The following MBD5 variants were observed in gnomAD, a reference collection of about 807,000 sequenced individuals.
The protein encoded by MBD5 is methyl-CpG-binding domain protein 5.
Under a neutral mutation model 117.3 loss-of-function variants are expected in MBD5, and 13 were observed. The ratio of observed to expected loss-of-function variants is 0.11; its 90% CI spans 0.07 to 0.18. The LOEUF is 0.18. MBD5 is among the 10% of genes least tolerant of loss of function. The pLI is 1.00. For synonymous variants in MBD5, 727 were observed against 766.4 expected, an observed-to-expected ratio of 0.95 and a Z score of 0.85; for missense variants, 1,879 against 2,093.8, an observed-to-expected ratio of 0.90 and a Z score of 2.00.
rs79451405 is a variant in MBD5, at chr2:148,387,060, A to G, written c.-557+44724A>G. 6.6e-5 allele frequency among the ~76,000 whole-genome samples: 10 copies of G among 152,328 alleles called. No homozygotes were observed. The East Asian group carries it at 1.9e-3, about 29-fold the overall frequency. Reference sequence around the variant, plus strand: ...AATATCTCTAAACTCAGCAATGTACATCTATATCAAACCCTTAATAGCCAA... The same window carrying G: ...AATATCTCTAAACTCAGCAATGTACGTCTATATCAAACCCTTAATAGCCAA... On this transcript the variant is annotated intron_variant, in intron 4 of 13. Transcript: ENST00000642680.
chr2:148,030,872 G>C (rs1156370974), intron 1 of MBD5, among the ~76,000 whole-genome samples: 1 of 152,156 alleles, frequency 6.6e-6, no homozygotes, highest in African/African-American at 2.4e-5. Flanking sequence ...TAGCTTGATA[G>C]AGAATAAAGT....
intron 4 of MBD5, among the ~76,000 whole-genome samples, chr2:148,392,233 T>A (rs1199568611): frequency 2.6e-5 from 4 of 152,212 alleles, no homozygotes; most frequent in Non-Finnish European, 5.9e-5. Context: ...CGACATAGCA[T>A]GAATCCAAAT....
chr2:148,469,188 T>C lies in MBD5; in HGVS notation c.1245T>C (p.Gly415=), dbSNP rs1483172185. The change falls in exon 8 of 14, where the codon GGT becomes GGC. Residue 415 remains glycine (G), a synonymous_variant. Transcript: ENST00000642680. The part of the protein sequence containing the change: ...SNLPLPTVKP[G]HMNHGSHVQR... ...TCCCATTGCCAACTGTAAAACCTGG[T>C]CACATGAATCATGGGAGTCATGTAC... The C allele has an allele frequency of 3.7e-6, 6 of 1,613,928 alleles. No homozygotes were observed. The highest frequency in any genetic ancestry group is 3.4e-6 in the Non-Finnish European group (4 of 1,179,974).
At chr2:148,373,561 T>C (rs1703913311) in intron 4 of MBD5, among the ~76,000 whole-genome samples, 1 of 152,174 alleles carries the variant, frequency 6.6e-6, no homozygotes, top group Admixed American at 6.5e-5. Context: ...AGCATGCTAT[T>C]CTAGAGCCTT....
intron 4 of MBD5, chr2:148,347,150 A>G (rs1703142455): frequency 6.6e-6 from 1 of 152,032 alleles, no homozygotes; most frequent in South Asian, 2.1e-4. Context: ...ACTGACTTCC[A>G]CTACAATATA....
At chr2:148,428,233 C>T (rs887611925) in intron 4 of MBD5, among the ~76,000 whole-genome samples, 40 of 152,254 alleles carry the variant, frequency 2.6e-4, no homozygotes, top group Non-Finnish European at 5.1e-4. Flanking sequence ...CATGAGTGAA[C>T]TCCCATTCAC....
intron 3 of MBD5, among the ~76,000 whole-genome samples, chr2:148,297,456 T>A (rs1395275014): frequency 6.6e-6 from 1 of 152,186 alleles, no homozygotes; most frequent in African/African-American, 2.4e-5. Flanking sequence ...CTTTCCTTGA[T>A]CTGTTATGCT....
chr2:148,034,900 G>A (rs970155400), intron 1 of MBD5, among the ~76,000 whole-genome samples: 1 of 152,060 alleles, frequency 6.6e-6, no homozygotes, highest in Admixed American at 6.6e-5. Context: ...ATTAATAGGC[G>A]ACAACCTGTA....
chr2:148,426,759 A>C (rs1023065150), intron 4 of MBD5, among the ~76,000 whole-genome samples: 1 of 152,218 alleles, frequency 6.6e-6, no homozygotes, highest in African/African-American at 2.4e-5. Flanking sequence ...TTCCTGTCTA[A>C]AACACCAAAA....
At chr2:148,225,055 C>T (rs547795880) in intron 2 of MBD5, among the ~76,000 whole-genome samples, 29 of 152,152 alleles carry the variant, frequency 1.9e-4, no homozygotes, top group African/African-American at 6.5e-4. Flanking sequence ...AGAGGTTAGT[C>T]CACTTACATT....
In MBD5 at chr2:148,441,996, G is replaced by C. The variant is rs532475909; in HGVS notation, c.-556-16207G>C. ...AATTTGTTTGAGTTCATTGTAGATT[G>C]TGGATATTAGCCCTTTGTCAGATGA... is the stretch of plus-strand genomic sequence containing the variant. On this transcript the variant is annotated intron_variant, in intron 4 of 13. Coordinates refer to ENST00000642680, the MANE Select transcript of MBD5 (RefSeq NM_001378120.1). Among the ~76,000 whole-genome samples, 299 of 151,992 alleles carry C rather than the reference G, an allele frequency of 2.0e-3. 1 individual carries two copies. The highest frequency in any genetic ancestry group is 6.7e-3 in the African/African-American group (277 of 41,442).
intron 2 of MBD5, among the ~76,000 whole-genome samples, chr2:148,207,934 A>C (rs1186292717): frequency 6.6e-6 from 1 of 152,178 alleles, no homozygotes; most frequent in Non-Finnish European, 1.5e-5. Flanking sequence ...TCTGTAACAA[A>C]TTACCACAAA....
At chr2:148,309,618 A>T (rs1280185103) in intron 3 of MBD5, among the ~76,000 whole-genome samples, 1 of 152,170 alleles carries the variant, frequency 6.6e-6, no homozygotes, top group African/African-American at 2.4e-5. Flanking sequence ...CTCTCTTTCT[A>T]TTTGAATACT....
At chr2:148,103,616 G>A (rs531129190) in intron 1 of MBD5, among the ~76,000 whole-genome samples, 1 of 152,174 alleles carries the variant, frequency 6.6e-6, no homozygotes, top group Admixed American at 6.5e-5. Context: ...CCCTTTCTTT[G>A]TTCTAGACCA....
chr2:148,126,296 T>C (rs1267221501), intron 1 of MBD5, among the ~76,000 whole-genome samples: 1 of 151,162 alleles, frequency 6.6e-6, no homozygotes, highest in Non-Finnish European at 1.5e-5. Flanking sequence ...TCCCAGCTAC[T>C]TGGGGAGGCT....
chr2:148,500,885 A>G (rs1217020881), intron 11 of MBD5, among the ~76,000 whole-genome samples: 1 of 152,230 alleles, frequency 6.6e-6, no homozygotes, highest in Non-Finnish European at 1.5e-5. Flanking sequence ...TCTAACATGA[A>G]ATATGAAAGT....
chr2:148,098,029 A>T (rs1696112519), intron 1 of MBD5, among the ~76,000 whole-genome samples: 1 of 152,196 alleles, frequency 6.6e-6, no homozygotes, highest in Non-Finnish European at 1.5e-5. Context: ...TTCTGATGGC[A>T]GTGGGAAGTC....
chr2:148,400,362 G>T (rs1238069713), intron 4 of MBD5, among the ~76,000 whole-genome samples: 2 of 152,106 alleles, frequency 1.3e-5, no homozygotes, highest in South Asian at 4.1e-4. Context: ...TCTATTACCA[G>T]TGCTTATTAA....
At chr2:148,447,206 A>AGAAAGAAAGAAAGAAAGAAAGAAG (rs1706579536) in intron 4 of MBD5, among the ~76,000 whole-genome samples, 5 of 12,164 alleles carry the variant, frequency 4.1e-4, no homozygotes, top group Non-Finnish European at 1.6e-3. Context: ...AAAGAAAGAA[A>AGAAAGAAAGAAAGAAAGAAAGAAG]GAAAGAAAGA....
Sources: gnomAD v4.1 joint callset for allele counts (sites outside exome capture counted in the v4.1 genomes callset) on GRCh38, gnomAD v4.1.1 for gene constraint, MANE v1.5 for transcripts, NCBI Gene and HGNC (gene_info 2026-07-23, HGNC 2026-07-21) for gene names.